LMBR1: variants seen among roughly 807,000 people sequenced by gnomAD.
LMBR1 encodes limb region 1 protein homolog.
LMBR1 carries 52 observed loss-of-function variants against 73.9 expected under a neutral mutation model. The ratio of observed to expected loss-of-function variants is 0.70; its 90% CI spans 0.56 to 0.89. The LOEUF is 0.89. Among genes scored for constraint, LMBR1 ranks in the 40% least tolerant of loss-of-function variants. The pLI is 0.00. For synonymous variants in LMBR1, 215 were observed against 209.4 expected, an observed-to-expected ratio of 1.03 and a Z score of -0.23; for missense variants, 539 against 579.8, an observed-to-expected ratio of 0.93 and a Z score of 0.72.
rs139502905 is a variant in LMBR1, at chr7:156,724,901, C to A, written c.1158+534G>T. On this transcript the variant is annotated intron_variant, in intron 14 of 16. Coordinates refer to ENST00000353442, the MANE Select transcript of LMBR1 (RefSeq NM_022458.4). Reference sequence around the variant, plus strand: ...TTAGTTATTCTTCTTTGTCAGCCTACGGGAATATTTTATAAAGATTCAGTC... The same window carrying A: ...TTAGTTATTCTTCTTTGTCAGCCTAAGGGAATATTTTATAAAGATTCAGTC... Among the ~76,000 whole-genome samples the A allele has an allele frequency of 9.2e-5, 14 of 151,918 alleles. No individual in the cohort carries two copies. The East Asian group carries it at 2.7e-3, about 29-fold the overall frequency.
At chr7:156,812,776 A>G (rs992358969) in intron 4 of LMBR1, among the ~76,000 whole-genome samples, 3 of 152,140 alleles carry the variant, frequency 2.0e-5, no homozygotes, top group African/African-American at 7.2e-5. Context: ...TGTAAAACAA[A>G]ATGATTCTCT....
intron 3 of LMBR1, among the ~76,000 whole-genome samples, chr7:156,830,005 C>T (rs1373122830): frequency 2.0e-5 from 3 of 152,204 alleles, no homozygotes; most frequent in African/African-American, 7.2e-5. Flanking sequence ...TAACCCACTA[C>T]AGTAGGACTT....
chr7:156,803,952 A>G (rs552277779), intron 4 of LMBR1, among the ~76,000 whole-genome samples: 2 of 130,672 alleles, frequency 1.5e-5, no homozygotes, highest in Non-Finnish European at 3.1e-5. Context: ...ATGAGAACAC[A>G]TGGACACAGG....
chr7:156,846,826 G>A (rs973498922), intron 1 of LMBR1, among the ~76,000 whole-genome samples: 12 of 152,016 alleles, frequency 7.9e-5, no homozygotes, highest in African/African-American at 2.2e-4. Context: ...AGCTAGAAAC[G>A]AGTATCTTGA....
chr7:156,863,129 C>A (rs1031678273), intron 1 of LMBR1, among the ~76,000 whole-genome samples: 1 of 151,798 alleles, frequency 6.6e-6, no homozygotes, highest in Non-Finnish European at 1.5e-5. Context: ...TAGATAGATA[C>A]AAATAGATAT....
chr7:156,690,626 C>A (rs1563140980), intron 15 of LMBR1, among the ~76,000 whole-genome samples: 1 of 152,180 alleles, frequency 6.6e-6, no homozygotes, highest in East Asian at 1.9e-4. Flanking sequence ...CAGTCTCTAT[C>A]ATCAGATGTT....
chr7:156,680,399 A>AGTGTGTGT lies in LMBR1; in HGVS notation c.*3678_*3679insACACACAC, dbSNP rs1331225134. On this transcript the variant is annotated 3_prime_UTR_variant, in exon 17 of 17. Coordinates refer to ENST00000353442, the MANE Select transcript of LMBR1 (RefSeq NM_022458.4). ...GACAGAGAGAGAGAGAGAGAGAGAG[A>AGTGTGTGT]GAGAGTGTGTGTGTGTGTGTGTGTG... 7.3e-6 allele frequency: 1 copy of AGTGTGTGT among 136,568 alleles called. No homozygotes were observed. The highest frequency in any genetic ancestry group is 2.4e-4 in the South Asian group (1 of 4,134). 8.5% of individuals were successfully genotyped at this position (136,568 alleles called of 1,614,324 possible).
intron 9 of LMBR1, among the ~76,000 whole-genome samples, chr7:156,744,884 T>C (rs932271287): frequency 6.6e-6 from 1 of 152,212 alleles, no homozygotes; most frequent in African/African-American, 2.4e-5. Flanking sequence ...GAGGGCCACC[T>C]GCATTCTTTG....
rs144612076 is a variant in LMBR1, at chr7:156,751,937, A to C, written c.757+4456T>G. On this transcript the variant is annotated intron_variant, in intron 9 of 16. Coordinates refer to ENST00000353442, the MANE Select transcript of LMBR1 (RefSeq NM_022458.4). Reference sequence around the variant, plus strand: ...GCTCAGAGTAGAGGTCGCAGCTTATAGGTGGTATTTAAAGCCATGAAACCA... The same window carrying C: ...GCTCAGAGTAGAGGTCGCAGCTTATCGGTGGTATTTAAAGCCATGAAACCA... 2.6e-4 allele frequency among the ~76,000 whole-genome samples: 39 copies of C among 152,364 alleles called. No individual in the cohort carries two copies. In the East Asian group the frequency reaches 5.4e-3, roughly 21 times the overall value.
intron 3 of LMBR1, among the ~76,000 whole-genome samples, chr7:156,830,391 T>A (rs1203793936): frequency 2.0e-5 from 3 of 152,198 alleles, no homozygotes; most frequent in Admixed American, 6.5e-5. Context: ...CCACTTTACA[T>A]CTTAAAGTTT....
chr7:156,812,660 C>T (rs146990984), intron 4 of LMBR1, among the ~76,000 whole-genome samples: 1 of 152,310 alleles, frequency 6.6e-6, no homozygotes, highest in Non-Finnish European at 1.5e-5. Context: ...TAAGACTCTA[C>T]ACAGAGGGCC....
Position 156,821,895 on chromosome 7 carries a change from C to T in LMBR1, c.319+4710G>A, listed in dbSNP as rs561687469. Among the ~76,000 whole-genome samples the T allele has an allele frequency of 9.8e-5, 15 of 152,308 alleles. No individual in the cohort carries two copies. The East Asian group carries it at 2.5e-3, about 25-fold the overall frequency. Reference sequence around the variant, plus strand: ...TCACCAAGGCTGGCCTGGCTACAGCCACTGCTAAGGACCCAATCTGCTAAC... The same window carrying T: ...TCACCAAGGCTGGCCTGGCTACAGCTACTGCTAAGGACCCAATCTGCTAAC... On this transcript the variant is annotated intron_variant, in intron 4 of 16. Transcript: ENST00000353442.
At chr7:156,844,328 A>AC (rs912632303) in intron 1 of LMBR1, among the ~76,000 whole-genome samples, 1 of 150,456 alleles carries the variant, frequency 6.6e-6, no homozygotes, top group African/African-American at 2.5e-5. Flanking sequence ...CGTCTCACAC[A>AC]AAAAAAAGCT....
chr7:156,675,748 A>G, downstream of LMBR1: 1 of 1,614,038 alleles, frequency 6.2e-7, no homozygotes, highest in Non-Finnish European at 8.5e-7. Context: ...AACATTGAAG[A>G]GCTCTTTGCA....
intron 15 of LMBR1, among the ~76,000 whole-genome samples, chr7:156,706,689 T>C (rs1811005047): frequency 6.7e-6 from 1 of 150,100 alleles, no homozygotes; most frequent in Non-Finnish European, 1.5e-5. Context: ...CAAATGAAAA[T>C]GGAAACACAA....
intron 15 of LMBR1, among the ~76,000 whole-genome samples, chr7:156,711,659 A>G (rs111668717): frequency 5.9e-5 from 9 of 152,190 alleles, no homozygotes; most frequent in Non-Finnish European, 1.2e-4. Flanking sequence ...ACAGACACAG[A>G]TCAATGGAAC....
intron 5 of LMBR1, among the ~76,000 whole-genome samples, chr7:156,766,663 A>G (rs1824139302): frequency 6.6e-6 from 1 of 152,106 alleles, no homozygotes; most frequent in African/African-American, 2.4e-5. Flanking sequence ...GACTCCTGGG[A>G]TCTATTAATA....
intron 9 of LMBR1, chr7:156,736,496 G>A (rs1202029932): frequency 8.8e-6 from 4 of 456,274 alleles, no homozygotes; most frequent in Non-Finnish European, 1.8e-5. Flanking sequence ...CACATACGTG[G>A]GTTTGCTATC....
intron 5 of LMBR1, among the ~76,000 whole-genome samples, chr7:156,794,624 A>G (rs906248975): frequency 1.3e-5 from 2 of 152,236 alleles, no homozygotes; most frequent in African/African-American, 4.8e-5. Flanking sequence ...ATTGTTATAA[A>G]AAGTATAAAT....
Sources: allele counts gnomAD v4.1 joint callset (sites outside exome capture counted in the v4.1 genomes callset), GRCh38; gene constraint gnomAD v4.1.1; transcripts MANE v1.5; gene names NCBI Gene and HGNC (gene_info 2026-07-23, HGNC 2026-07-21).